Variants in ADGRV1 observed in about 807,000 individuals in gnomAD.
The protein encoded by ADGRV1 is adhesion G protein-coupled receptor V1.
In ADGRV1, 359 loss-of-function variants were observed where a neutral mutation model predicts 596.2. That is an observed-to-expected ratio of 0.60 (90% CI 0.55 to 0.66). The LOEUF (loss-of-function observed/expected upper bound fraction) is 0.66. Among genes scored for constraint, ADGRV1 ranks in the 30% least tolerant of loss-of-function variants. ADGRV1 has a pLI of 0.00. For missense variants in ADGRV1, 7,274 were observed against 7,575.6 expected, an observed-to-expected ratio of 0.96 and a Z score of 1.48; for synonymous variants, 2,681 against 2,679.2, an observed-to-expected ratio of 1.00 and a Z score of -0.02.
At chr5:90,823,962 TG>T (rs1405560279) in intron 76 of ADGRV1, among the ~76,000 whole-genome samples, 1 of 152,150 alleles carries the variant, frequency 6.6e-6, no homozygotes, top group African/African-American at 2.4e-5. Flanking sequence ...AAGAAAAAAA[TG>T]TTTATCATTG....
chr5:91,147,148 G>A (rs1409266534), intron 87 of ADGRV1, among the ~76,000 whole-genome samples: 1 of 135,368 alleles, frequency 7.4e-6, no homozygotes, highest in Non-Finnish European at 1.5e-5. Flanking sequence ...CTGAACTCCA[G>A]TCTGGGTGAC....
intron 85 of ADGRV1, among the ~76,000 whole-genome samples, chr5:91,008,484 G>A (rs940282098): frequency 6.6e-6 from 1 of 151,976 alleles, no homozygotes; most frequent in Admixed American, 6.6e-5. Context: ...CTACTTAATT[G>A]TAAGTCTATA....
chr5:90,569,276 G>T (rs6897313), intron 1 of ADGRV1, among the ~76,000 whole-genome samples: 1 of 144,274 alleles, frequency 6.9e-6, no homozygotes, highest in Non-Finnish European at 1.5e-5. Context: ...TTAAATTTCA[G>T]TATGAGTTTT....
intron 59 of ADGRV1, among the ~76,000 whole-genome samples, chr5:90,763,890 G>A (rs541739121): frequency 7.9e-4 from 121 of 152,282 alleles, no homozygotes; most frequent in Non-Finnish European, 1.4e-3. Context: ...GTATTCCATG[G>A]TGTATATCTA....
chr5:90,582,141 T>G (rs1264345362), intron 1 of ADGRV1, among the ~76,000 whole-genome samples: 1 of 151,312 alleles, frequency 6.6e-6, no homozygotes, highest in Non-Finnish European at 1.5e-5. Flanking sequence ...GTGTTCTGTA[T>G]GCAGATGAGA....
intron 83 of ADGRV1, among the ~76,000 whole-genome samples, chr5:90,914,308 C>T (rs1773152448): frequency 6.6e-6 from 1 of 152,166 alleles, no homozygotes; most frequent in South Asian, 2.1e-4. Context: ...ACCTGTAACA[C>T]TAACCTTAAT....
chr5:90,720,990 C>G lies in ADGRV1; in HGVS notation c.9679C>G (p.Arg3227Gly). The change falls in exon 45 of 90, where the codon CGA (arginine) becomes GGA (glycine). Residue 3227 changes from arginine to glycine, a missense_variant. Coordinates refer to ENST00000405460, the MANE Select transcript of ADGRV1 (RefSeq NM_032119.4). The stretch of plus-strand genomic sequence containing the variant: ...TAGGACCGTGTATTTAAATGTATCT[C>G]GAACTAATGGCATTGATTTGGCTGT... ...ANRTVYLNVS[R>G]TNGIDLAVSV... is the part of the protein sequence containing the mutation. The G allele has an allele frequency of 6.2e-7, 1 of 1,612,410 alleles. No homozygotes were observed. Among genetic ancestry groups the G allele is most frequent in the Non-Finnish European group, 8.5e-7 (1 of 1,178,812 alleles).
chr5:90,788,458 T>TTTTGG (rs1759720244), intron 68 of ADGRV1, 148 bp downstream of exon 68: 1 of 784,524 alleles, frequency 1.3e-6, no homozygotes, highest in Admixed American at 3.2e-5. Flanking sequence ...GGGTCAAACT[T>TTTTGG]TTTGGTTTTC....
At chr5:90,921,942 G>T (rs1187007637) in intron 83 of ADGRV1, among the ~76,000 whole-genome samples, 1 of 151,986 alleles carries the variant, frequency 6.6e-6, no homozygotes, top group South Asian at 2.1e-4. Flanking sequence ...CAAGTCCGGG[G>T]TCAAAAACTG....
chr5:90,965,411 AC>A lies in ADGRV1; in HGVS notation c.17857-3del, dbSNP rs1406772590. ...TTAAAAATAGAAGTATCTGTTTCTTACAGATTCTGTTTCTGGCGTCTGCATA... is the reference window on the plus strand; with the variant it reads ...TTAAAAATAGAAGTATCTGTTTCTTAAGATTCTGTTTCTGGCGTCTGCATA... On this transcript the variant is annotated splice_polypyrimidine_tract_variant and splice_region_variant and intron_variant, in intron 83 of 89. Transcript: ENST00000405460. The A allele has an allele frequency of 1.3e-6, 2 of 1,579,402 alleles. No individual in the cohort carries two copies. Among genetic ancestry groups the A allele is most frequent in the East Asian group, 2.2e-5 (1 of 44,702 alleles).
intron 87 of ADGRV1, among the ~76,000 whole-genome samples, chr5:91,111,522 A>T (rs1386004556): frequency 1.3e-5 from 2 of 152,210 alleles, no homozygotes; most frequent in African/African-American, 4.8e-5. Context: ...TAGATACAGT[A>T]CATATTTAGT....
Position 90,965,427 on chromosome 5 carries a change from G to A in ADGRV1, c.17869G>A (p.Ala5957Thr), listed in dbSNP as rs765800403. 9 of 1,608,092 alleles carry A rather than the reference G, an allele frequency of 5.6e-6. No individual in the cohort carries two copies. In the Admixed American group the frequency reaches 1.5e-4, roughly 27 times the overall value. Residue 5957 changes from alanine to threonine, a missense_variant, in exon 84 of 90, where the codon GCG becomes ACG. Around this residue, in one of 5 missense-constraint regions of ADGRV1, gnomAD observed 1,874 missense variants for 1,970.2 expected, o/e 0.95. Transcript: ENST00000405460. The part of the protein sequence containing the change: ...ASLGTQILFL[A>T]SAYASPQLAE... ...CTGTTTCTTACAGATTCTGTTTCTG[G>A]CGTCTGCATACGCAAGTCCCCAACT... is the stretch of plus-strand genomic sequence containing the variant.
chr5:90,754,912 C>T (rs1393825668), intron 54 of ADGRV1, 71 bp from the exon 55 acceptor site: 2 of 1,080,490 alleles, frequency 1.9e-6, no homozygotes, highest in Admixed American at 1.7e-5. Context: ...GAGTGTTCCA[C>T]TCTAGGTCCT....
rs1759147194 is a variant in ADGRV1 at position 90,783,966 on chromosome 5, A to C, written c.13562A>C (p.Asn4521Thr). ...CCCTTTGGAGTTATAAGGTTTCTCA[A>C]TCAAAGCAAAATTTCTATTGCTAAT... ...DSPFGVIRFL[N>T]QSKISIANPN... is the part of the protein sequence containing the mutation. Residue 4521 changes from asparagine to threonine, a missense_variant, in exon 67 of 90, where the codon AAT becomes ACT. Physicochemically the swap from Asn to Thr is moderately conservative, Grantham distance 65. Transcript: ENST00000405460. The C allele has an allele frequency of 1.2e-6, 2 of 1,612,364 alleles. No individual in the cohort carries two copies. The highest frequency in any genetic ancestry group is 1.7e-6 in the Non-Finnish European group (2 of 1,179,286).
At chr5:90,655,474 C>T (rs188873225) in intron 20 of ADGRV1, 20 of 152,192 alleles carry the variant, frequency 1.3e-4, no homozygotes, top group African/African-American at 4.8e-4. Context: ...TCTGTTCTGC[C>T]TACTACATAT....
At chr5:90,729,860 G>T in intron 50 of ADGRV1, 96 bp downstream of exon 50, 1 of 1,261,746 alleles carries the variant, frequency 7.9e-7, no homozygotes, top group Non-Finnish European at 1.1e-6. Flanking sequence ...CACATTGCCA[G>T]ACACTGGGTA....
chr5:91,039,442 T>C (rs182439254), intron 85 of ADGRV1, among the ~76,000 whole-genome samples: 7 of 152,330 alleles, frequency 4.6e-5, no homozygotes, highest in Admixed American at 3.9e-4. Flanking sequence ...GGGAAGACTG[T>C]TTGAGTCATG....
intron 61 of ADGRV1, 129 bp downstream of exon 61, chr5:90,776,705 A>G: frequency 9.6e-7 from 1 of 1,037,084 alleles, no homozygotes; most frequent in Non-Finnish European, 1.4e-6. Flanking sequence ...TACTGTTAAC[A>G]TCCTGTGGAG....
At chr5:90,983,556 CT>C (rs1780252001) in intron 84 of ADGRV1, among the ~76,000 whole-genome samples, 1 of 152,006 alleles carries the variant, frequency 6.6e-6, no homozygotes, top group Non-Finnish European at 1.5e-5. Context: ...ATGATTCTTG[CT>C]TTGTATGAAT....
Sources: allele counts gnomAD v4.1 joint callset (sites outside exome capture counted in the v4.1 genomes callset), GRCh38; gene constraint gnomAD v4.1.1; regional missense constraint gnomAD v4.1.1; transcripts MANE v1.5; gene names NCBI Gene and HGNC (gene_info 2026-07-23, HGNC 2026-07-21).